RCBTB1: variants seen among roughly 807,000 people sequenced by gnomAD.
RCBTB1 encodes RCC1 and BTB domain-containing protein 1.
RCBTB1 carries 46 observed loss-of-function variants against 62.4 expected under a neutral mutation model. That is an observed-to-expected ratio of 0.74 (90% CI 0.58 to 0.94). The LOEUF (loss-of-function observed/expected upper bound fraction) is 0.94. Among genes scored for constraint, RCBTB1 ranks in the 40% least tolerant of loss-of-function variants. The pLI is 0.00. For synonymous variants in RCBTB1, 222 were observed against 245.8 expected (o/e 0.90, Z 0.91); for missense variants, 565 against 654.9 (o/e 0.86, Z 1.50).
intron 2 of RCBTB1, among the ~76,000 whole-genome samples, chr13:49,569,718 CAAAAA>C (rs111570905): frequency 5.3e-5 from 7 of 131,750 alleles, no homozygotes; most frequent in African/African-American, 2.0e-4. Flanking sequence ...GACCCTGTCT[CAAAAA>C]AAAAAAAGAA....
At chr13:49,540,798 T>A in intron 12 of RCBTB1, 78 bp downstream of exon 12, 1 of 1,486,728 alleles carries the variant, frequency 6.7e-7, no homozygotes. Context: ...TCGTTTTCCA[T>A]GCCTCACGCA....
rs1961153038 is a variant in RCBTB1 at position 49,549,601 on chromosome 13, T to C, written c.902A>G (p.Lys301Arg). The change falls in exon 9 of 13, where the codon AAG becomes AGG. Residue 301 changes from lysine (K) to arginine (R), a missense_variant. Physicochemically the swap from Lys to Arg is conservative, Grantham distance 26 (BLOSUM62 2). Coordinates refer to ENST00000378302, the MANE Select transcript of RCBTB1 (RefSeq NM_018191.4). Reference sequence around the variant, plus strand: ...CATGTACACGTGCCCACCCTGCGTCTTGGCTGCAGACGTGTGGGCAGAGTG... The same window carrying C: ...CATGTACACGTGCCCACCCTGCGTCCTGGCTGCAGACGTGTGGGCAGAGTG... ...ACHSAHTSAA[K>R]TQGGHVYMWG... The C allele has an allele frequency of 1.2e-6, 2 of 1,614,076 alleles. No individual in the cohort carries two copies. The highest frequency in any genetic ancestry group is 1.7e-6 in the Non-Finnish European group (2 of 1,179,946).
chr13:49,548,173 C>T (rs1047694593), intron 9 of RCBTB1, among the ~76,000 whole-genome samples: 1 of 151,858 alleles, frequency 6.6e-6, no homozygotes, highest in Non-Finnish European at 1.5e-5. Context: ...GGGCGGATCA[C>T]GAGGTCAGGA....
In RCBTB1 at chr13:49,566,719, T is replaced by G. The variant is rs988300214; in HGVS notation, c.176A>C (p.Asn59Thr). 1 of 1,614,016 alleles carries G rather than the reference T, an allele frequency of 6.2e-7. No homozygotes were observed. The highest frequency in any genetic ancestry group is 8.5e-7 in the Non-Finnish European group (1 of 1,179,864). The change falls in exon 4 of 13, where the codon AAC (asparagine) becomes ACC (threonine). Residue 59 changes from asparagine (N) to threonine (T), a missense_variant. Physicochemically the swap from Asn to Thr is moderately conservative, Grantham distance 65. Coordinates refer to ENST00000378302, the MANE Select transcript of RCBTB1 (RefSeq NM_018191.4). ...NYSNCLGTGD[N>T]QSTLVPKKLE... The stretch of plus-strand genomic sequence containing the variant: ...CTTTTTGGGTACAAGTGTACTCTGG[T>G]TATCTCCAGTTCCTAGACAGTTACT...
chr13:49,570,537 T>C (rs1282906549), intron 2 of RCBTB1, among the ~76,000 whole-genome samples: 1 of 152,242 alleles, frequency 6.6e-6, no homozygotes, highest in African/African-American at 2.4e-5. Flanking sequence ...TCAGTCAGTA[T>C]GACAGCTGTT....
chr13:49,565,522 G>A (rs1189204274), intron 4 of RCBTB1, among the ~76,000 whole-genome samples: 1 of 148,074 alleles, frequency 6.8e-6, no homozygotes, highest in African/African-American at 2.5e-5. Context: ...CCCAGTCTGG[G>A]AAGTGAGGAG....
In RCBTB1 at chr13:49,535,954, C is replaced by T. The variant is rs7329125; in HGVS notation, c.1456-1692G>A. On this transcript the variant is annotated intron_variant, in intron 12 of 12. Coordinates refer to ENST00000378302, the MANE Select transcript of RCBTB1 (RefSeq NM_018191.4). ...AGGAGAATCGCTTGAACCCAGGAGGCGGAGGTTGCAGTGAGCCGAGATCAT... is the reference window on the plus strand; with the variant it reads ...AGGAGAATCGCTTGAACCCAGGAGGTGGAGGTTGCAGTGAGCCGAGATCAT... 2.7e-3 allele frequency among the ~76,000 whole-genome samples: 397 copies of T among 149,788 alleles called. 1 individual carries two copies. Among genetic ancestry groups the T allele is most frequent in the African/African-American group, 8.3e-3 (337 of 40,638 alleles).
intron 4 of RCBTB1, among the ~76,000 whole-genome samples, chr13:49,562,100 A>AG (rs925744988): frequency 3.3e-5 from 5 of 150,008 alleles, no homozygotes; most frequent in African/African-American, 1.2e-4. Flanking sequence ...TCTATCTCAA[A>AG]GAAAAAAAAA....
At chr13:49,577,541 C>T (rs1218286416) in intron 2 of RCBTB1, among the ~76,000 whole-genome samples, 4 of 151,996 alleles carry the variant, frequency 2.6e-5, no homozygotes, top group Non-Finnish European at 5.9e-5. Context: ...CTGTTATGTA[C>T]TGGCTTTTAA....
At position 49,559,971 on chromosome 13, in the gene RCBTB1, C is replaced by T; in HGVS notation, c.391G>A (p.Val131Met). ...VCTNLLIKQVVEVACGSHHSM... is the reference protein window; with the variant it reads ...VCTNLLIKQVMEVACGSHHSM... ...TGATGTGAGCCACAAGCTACTTCCA[C>T]CACTTGCTTGATCAAGAGATTGGTA... The change falls in exon 5 of 13, where the codon GTG becomes ATG. Residue 131 changes from valine (V) to methionine (M), a missense_variant. By Grantham distance (21) the Val-to-Met change is conservative. Transcript: ENST00000378302. The T allele has an allele frequency of 1.2e-6, 2 of 1,614,178 alleles. No homozygotes were observed. The highest frequency in any genetic ancestry group is 2.2e-5 in the East Asian group (1 of 44,882).
chr13:49,554,784 C>T (rs143899297), intron 6 of RCBTB1, among the ~76,000 whole-genome samples: 34 of 152,304 alleles, frequency 2.2e-4, no homozygotes, highest in African/African-American at 7.5e-4. Flanking sequence ...CCCCCAACAC[C>T]GCCATCTGTG....
intron 5 of RCBTB1, among the ~76,000 whole-genome samples, chr13:49,559,242 A>G (rs777543313): frequency 2.6e-5 from 4 of 152,254 alleles, no homozygotes; most frequent in Admixed American, 2.6e-4. Context: ...ATCATATGGT[A>G]CAAAGTGGAT....
intron 4 of RCBTB1, among the ~76,000 whole-genome samples, chr13:49,562,460 C>T (rs1190374877): frequency 6.9e-6 from 1 of 144,668 alleles, no homozygotes; most frequent in Non-Finnish European, 1.5e-5. Flanking sequence ...AGTGAGGCTG[C>T]AGTGAGCCAA....
chr13:49,576,012 T>C (rs1201054109), intron 2 of RCBTB1, among the ~76,000 whole-genome samples: 2 of 151,634 alleles, frequency 1.3e-5, no homozygotes, highest in Middle Eastern at 3.2e-3. Context: ...CGGTGAAACC[T>C]CGTCTCTACT....
At chr13:49,549,673 T>C (rs1961161753) in intron 8 of RCBTB1, 25 bp from the exon 9 acceptor site, 1 of 1,585,646 alleles carries the variant, frequency 6.3e-7, no homozygotes, top group East Asian at 2.3e-5. Context: ...GAAAAATGCA[T>C]GTTACTTCAT....
At chr13:49,561,010 C>CT (rs1220851805) in intron 4 of RCBTB1, among the ~76,000 whole-genome samples, 17 of 152,104 alleles carry the variant, frequency 1.1e-4, no homozygotes, top group Admixed American at 1.1e-3. Context: ...TTTATAATGA[C>CT]TTTATCTTTT....
intron 2 of RCBTB1, among the ~76,000 whole-genome samples, chr13:49,574,791 C>T (rs1016645503): frequency 1.3e-5 from 2 of 151,858 alleles, no homozygotes; most frequent in African/African-American, 4.8e-5. Context: ...TGTATACCAA[C>T]GGTCAAAGCA....
chr13:49,584,061 A>G (rs1409055647), intron 1 of RCBTB1, among the ~76,000 whole-genome samples: 8 of 152,192 alleles, frequency 5.3e-5, no homozygotes, highest in African/African-American at 1.4e-4. Context: ...CTCCCAGGAA[A>G]AGGAGGGTAC....
chr13:49,559,467 TA>T (rs1428702372), intron 5 of RCBTB1, among the ~76,000 whole-genome samples: 2 of 151,958 alleles, frequency 1.3e-5, no homozygotes, highest in African/African-American at 2.4e-5. Context: ...CCATCCTGGC[TA>T]ACACGGTGAA....
Sources: gnomAD v4.1 joint callset for allele counts (sites outside exome capture counted in the v4.1 genomes callset) on GRCh38, gnomAD v4.1.1 for gene constraint, MANE v1.5 for transcripts, NCBI Gene and HGNC (gene_info 2026-07-23, HGNC 2026-07-21) for gene names.